The following B4GALT5 variants were observed in gnomAD, a reference collection of about 807,000 sequenced individuals.
The protein encoded by B4GALT5 is beta-1,4-galactosyltransferase 5, also known as UDP-Gal:beta-GlcNAc beta-1,4-galactosyltransferase 5.
In B4GALT5, 11 loss-of-function variants were observed where a neutral mutation model predicts 45.0. The ratio of observed to expected loss-of-function variants is 0.24; its 90% CI spans 0.15 to 0.40. The LOEUF (loss-of-function observed/expected upper bound fraction) is 0.40. Among genes scored for constraint, B4GALT5 ranks in the 10% least tolerant of loss-of-function variants. B4GALT5 has a pLI of 1.00. For missense variants in B4GALT5, 337 were observed against 500.2 expected (o/e 0.67, Z 3.11); for synonymous variants, 185 against 182.9 (o/e 1.01, Z -0.09).
At chr20:49,640,866 T>TA (rs1484869032) in intron 5 of B4GALT5, among the ~76,000 whole-genome samples, 2 of 152,230 alleles carry the variant, frequency 1.3e-5, no homozygotes, top group Non-Finnish European at 2.9e-5. Flanking sequence ...CTCACGCCTG[T>TA]AATCCCAGCA....
chr20:49,670,862 C>A (rs1392080437), intron 1 of B4GALT5, among the ~76,000 whole-genome samples: 2 of 152,112 alleles, frequency 1.3e-5, no homozygotes, highest in Non-Finnish European at 2.9e-5. Flanking sequence ...CATACTCTAA[C>A]CCAGTAGTTC....
At chr20:49,684,026 A>C (rs1002693440) in intron 1 of B4GALT5, among the ~76,000 whole-genome samples, 4 of 151,892 alleles carry the variant, frequency 2.6e-5, no homozygotes, top group African/African-American at 9.7e-5. Flanking sequence ...TTGTAATCTC[A>C]GCTACTTGGA....
chr20:49,641,829 A>G (rs1182796541), intron 5 of B4GALT5, among the ~76,000 whole-genome samples: 1 of 152,162 alleles, frequency 6.6e-6, no homozygotes, highest in African/African-American at 2.4e-5. Context: ...CAAAATGCCT[A>G]CAGAAGCCAA....
intron 2 of B4GALT5, among the ~76,000 whole-genome samples, chr20:49,651,648 G>A (rs1245360360): frequency 6.6e-6 from 1 of 152,054 alleles, no homozygotes; most frequent in Non-Finnish European, 1.5e-5. Context: ...CCTACCTACA[G>A]GTTCAAATGG....
intron 1 of B4GALT5, among the ~76,000 whole-genome samples, chr20:49,696,617 T>C (rs1429270274): frequency 4.6e-5 from 7 of 152,256 alleles, no homozygotes; most frequent in Non-Finnish European, 1.0e-4. Flanking sequence ...TTTAAATTGC[T>C]GCCATCCTTT....
chr20:49,693,450 T>C (rs2085824748), intron 1 of B4GALT5, among the ~76,000 whole-genome samples: 1 of 152,206 alleles, frequency 6.6e-6, no homozygotes, highest in Non-Finnish European at 1.5e-5. Context: ...GAGCTAAGAA[T>C]CATTAGGCTC....
chr20:49,679,728 T>C (rs2085756728), intron 1 of B4GALT5, among the ~76,000 whole-genome samples: 1 of 152,042 alleles, frequency 6.6e-6, no homozygotes. Context: ...TCAGCTGAAC[T>C]TTCAGTGGAC....
chr20:49,701,843 G>C (rs2085863323), intron 1 of B4GALT5, among the ~76,000 whole-genome samples: 1 of 151,792 alleles, frequency 6.6e-6, no homozygotes, highest in Non-Finnish European at 1.5e-5. Flanking sequence ...GGGAAGCCAA[G>C]ACAGGTGGAT....
At chr20:49,679,993 T>C (rs2085757576) in intron 1 of B4GALT5, among the ~76,000 whole-genome samples, 1 of 152,212 alleles carries the variant, frequency 6.6e-6, no homozygotes, top group African/African-American at 2.4e-5. Context: ...TAAATACATT[T>C]ATCACATTCC....
At chr20:49,664,461 C>CACAT (rs1246893935) in intron 1 of B4GALT5, among the ~76,000 whole-genome samples, 1 of 148,138 alleles carries the variant, frequency 6.8e-6, no homozygotes, top group Admixed American at 6.7e-5. Context: ...CACACACACA[C>CACAT]ACACACACAC....
chr20:49,660,843 T>TAGCC (rs925668895), intron 1 of B4GALT5, among the ~76,000 whole-genome samples: 5 of 152,190 alleles, frequency 3.3e-5, no homozygotes. Context: ...TTAAAAATAC[T>TAGCC]AGCCGAGTGT....
intron 1 of B4GALT5, among the ~76,000 whole-genome samples, chr20:49,713,015 T>G (rs1032259902): frequency 4.0e-5 from 5 of 124,204 alleles, no homozygotes; most frequent in African/African-American, 1.3e-4. Context: ...ATAGGGGAAG[T>G]AGAGGAAGAA....
intron 1 of B4GALT5, 40 bp downstream of exon 1, chr20:49,713,536 C>T: frequency 6.5e-7 from 1 of 1,541,200 alleles, no homozygotes; most frequent in Non-Finnish European, 8.8e-7. Flanking sequence ...TCCCTCAAGG[C>T]CAGAGCGGCA....
intron 1 of B4GALT5, among the ~76,000 whole-genome samples, chr20:49,706,474 T>C (rs189908697): frequency 1.3e-5 from 2 of 152,166 alleles, no homozygotes; most frequent in African/African-American, 4.8e-5. Flanking sequence ...TTGACAGATG[T>C]AGTCAAAAGT....
At chr20:49,699,389 A>G (rs1002595458) in intron 1 of B4GALT5, among the ~76,000 whole-genome samples, 1 of 129,876 alleles carries the variant, frequency 7.7e-6, no homozygotes, top group Non-Finnish European at 1.7e-5. Flanking sequence ...AAAAAAAAAA[A>G]CCCCACTAGT....
At chr20:49,683,479 C>T (rs1158147654) in intron 1 of B4GALT5, among the ~76,000 whole-genome samples, 7 of 150,448 alleles carry the variant, frequency 4.7e-5, no homozygotes, top group South Asian at 4.2e-4. Context: ...CTACAACCTC[C>T]GCCTCCTGGG....
intron 1 of B4GALT5, among the ~76,000 whole-genome samples, chr20:49,667,194 C>T (rs1186828914): frequency 6.6e-6 from 1 of 151,788 alleles, no homozygotes; most frequent in Non-Finnish European, 1.5e-5. Context: ...GCTGCCCACA[C>T]TTTGTTTGAT....
At chr20:49,657,707 C>T (rs1325613693) in intron 1 of B4GALT5, among the ~76,000 whole-genome samples, 3 of 152,192 alleles carry the variant, frequency 2.0e-5, no homozygotes, top group African/African-American at 7.2e-5. Context: ...GGCCCCAGTG[C>T]CTCCTCCACA....
chr20:49,637,241 C>CG (rs2085557992), intron 8 of B4GALT5, 100 bp downstream of exon 8: 1 of 1,030,918 alleles, frequency 9.7e-7, no homozygotes, highest in Admixed American at 1.8e-5. Flanking sequence ...AACAGGGCCT[C>CG]GGGGTGGGGA....
Sources: allele counts gnomAD v4.1 joint callset (sites outside exome capture counted in the v4.1 genomes callset), GRCh38; gene constraint gnomAD v4.1.1; transcripts MANE v1.5; gene names NCBI Gene and HGNC (gene_info 2026-07-23, HGNC 2026-07-21).